The following BST2 variants were observed in gnomAD, a reference collection of about 807,000 sequenced individuals.
BST2 encodes the protein bone marrow stromal antigen 2.
In BST2, 10 loss-of-function variants were observed where a neutral mutation model predicts 18.6. The observed-to-expected ratio is 0.54, with a 90% CI of 0.33 to 0.91. The LOEUF is 0.91. Ranked by LOEUF, BST2 falls within the 40% of genes least tolerant of loss-of-function variation. BST2 has a pLI of 0.02. For missense variants in BST2, 183 were observed against 228.4 expected, an observed-to-expected ratio of 0.80 and a Z score of 1.28; for synonymous variants, 75 against 96.8, an observed-to-expected ratio of 0.77 and a Z score of 1.32.
Position 17,403,840 on chromosome 19 carries a change from C to T in BST2, c.414-16G>A, listed in dbSNP as rs745514506. On this transcript the variant is annotated splice_polypyrimidine_tract_variant and intron_variant, in intron 3 of 4. Transcript: ENST00000252593. ...GTTTTCTCTTCTGCGGTACAGATGGCAAATCAGGCATCTGCTCGTCCTGGC... is the reference window on the plus strand; with the variant it reads ...GTTTTCTCTTCTGCGGTACAGATGGTAAATCAGGCATCTGCTCGTCCTGGC... The T allele has an allele frequency of 1.6e-5, 13 of 803,012 alleles. No individual in the cohort carries two copies. In the South Asian group the frequency reaches 3.1e-4, roughly 19 times the overall value. The allele number at this position is 803,012 out of a possible 1,614,324, so 49.7% of individuals were successfully genotyped here. A position where few individuals can be genotyped will look rare whatever the true frequency, so the allele number is the denominator to read the frequency against.
At position 17,403,045 on chromosome 19, in the gene BST2, GC is replaced by G. The variant is rs2074705137; in HGVS notation, c.*296del. Reference sequence around the variant, plus strand: ...AAACCCATAACAACAGGCAGCACATGCCCCCCACACCGCACCCCATGCCCAA... The same window carrying G: ...AAACCCATAACAACAGGCAGCACATGCCCCCACACCGCACCCCATGCCCAA... On this transcript the variant is annotated 3_prime_UTR_variant, in exon 5 of 5. Coordinates refer to ENST00000252593, the MANE Select transcript of BST2 (RefSeq NM_004335.4). 2.0e-6 allele frequency: 2 copies of G among 984,458 alleles called. No homozygotes were observed. Among genetic ancestry groups the G allele is most frequent in the African/African-American group, 1.8e-5 (1 of 56,944 alleles). 61.0% of individuals were successfully genotyped at this position (984,458 alleles called of 1,614,324 possible).
rs971425861 is a variant in BST2, at chr19:17,403,239, C to T, written c.*103G>A. ...GCTACCCCGTGCTCTCCCCGCTAAC[C>T]GTGTTGCCCCATGACCCGCTCAGAA... On this transcript the variant is annotated 3_prime_UTR_variant, in exon 5 of 5. Transcript: ENST00000252593. 1 of 999,060 alleles carries T rather than the reference C, an allele frequency of 1.0e-6. No homozygotes were observed. Among genetic ancestry groups the T allele is most frequent in the Non-Finnish European group, 1.2e-6 (1 of 837,912 alleles). The allele number at this position is 999,060 out of a possible 1,614,324, so 61.9% of individuals were successfully genotyped here.
chr19:17,404,292 G>T, intron 2 of BST2, 79 bp downstream of exon 2: 1 of 1,520,856 alleles, frequency 6.6e-7, no homozygotes, highest in Non-Finnish European at 9.1e-7. Context: ...CCAACCTCCA[G>T]CCCTGGTCTC....
In BST2 at chr19:17,403,831, T is replaced by C. The variant is rs746481009; in HGVS notation, c.414-7A>G. On this transcript the variant is annotated splice_polypyrimidine_tract_variant and splice_region_variant and intron_variant, in intron 3 of 4. Transcript: ENST00000252593. ...TAAGACCTGGTTTTCTCTTCTGCGG[T>C]ACAGATGGCAAATCAGGCATCTGCT... The C allele has an allele frequency of 1.4e-6, 2 of 1,473,740 alleles. No individual in the cohort carries two copies. The allele number at this position is 1,473,740 out of a possible 1,614,324, so 91.3% of individuals were successfully genotyped here.
chr19:17,403,950 A>G, intron 3 of BST2, 126 bp from the exon 4 acceptor site: 1 of 1,390,872 alleles, frequency 7.2e-7, no homozygotes, highest in Non-Finnish European at 9.8e-7. Flanking sequence ...GGGAATGGAC[A>G]GCGGCCACCC....
In BST2 at chr19:17,403,334, ACCAG is replaced by A; in HGVS notation, c.*16-12_*16-9del. 8.9e-7 allele frequency: 1 copy of A among 1,121,224 alleles called. No individual in the cohort carries two copies. Among genetic ancestry groups the A allele is most frequent in the Non-Finnish European group, 1.1e-6 (1 of 909,392 alleles). 69.5% of individuals were successfully genotyped at this position (1,121,224 alleles called of 1,614,324 possible). ...GGACCTTCCAAGATGTGCCTAAAGGACCAGAAGAGGGACTCAGGGCAGACTGGAG... is the reference window on the plus strand; with the variant it reads ...GGACCTTCCAAGATGTGCCTAAAGGAAAGAGGGACTCAGGGCAGACTGGAG... On this transcript the variant is annotated splice_polypyrimidine_tract_variant and intron_variant, in intron 4 of 4. Transcript: ENST00000252593.
At chr19:17,403,871 C>A in intron 3 of BST2, 47 bp from the exon 4 acceptor site, 1 of 1,589,738 alleles carries the variant, frequency 6.3e-7, no homozygotes, top group Non-Finnish European at 8.6e-7. Context: ...CTGGCTCCTG[C>A]CGCCCTCCCT....
chr19:17,404,074 T>C (rs955368522), intron 3 of BST2, 55 bp downstream of exon 3: 2 of 1,518,388 alleles, frequency 1.3e-6, no homozygotes, highest in African/African-American at 1.4e-5. Flanking sequence ...GCTAGGGATG[T>C]GGGGGTGAGA....
Position 17,404,530 on chromosome 19 carries a change from G to A in BST2, c.286-93C>T, listed in dbSNP as rs2278234. On this transcript the variant is annotated intron_variant, in intron 1 of 4. Transcript: ENST00000252593. ...CCTCCCTAGGTCCTGGGGACAGAGG[G>A]GCTTAAATGCAAACCCCTTTCAGGT... is the stretch of plus-strand genomic sequence containing the variant. 6.3e-5 allele frequency: 99 copies of A among 1,577,986 alleles called. No homozygotes were observed. In the African/African-American group the frequency reaches 9.5e-4, roughly 15 times the overall value.
intron 1 of BST2, 143 bp from the exon 2 acceptor site, chr19:17,404,580 T>C (rs1187363407): frequency 6.3e-6 from 8 of 1,269,138 alleles, no homozygotes; most frequent in Non-Finnish European, 8.8e-6. Flanking sequence ...CTCTGCACCA[T>C]GGTCTCCAAC....
intron 1 of BST2, 36 bp from the exon 2 acceptor site, chr19:17,404,473 G>A: frequency 3.7e-6 from 6 of 1,613,934 alleles, no homozygotes; most frequent in Non-Finnish European, 5.1e-6. Flanking sequence ...TTGGCCTGGG[G>A]AGTTTGGCTG....
chr19:17,403,426 C>T, intron 4 of BST2, 100 bp from the exon 5 acceptor site: 2 of 899,392 alleles, frequency 2.2e-6, no homozygotes, highest in Non-Finnish European at 2.7e-6. Flanking sequence ...CTAGACCCGC[C>T]CCACCCATCC....
Position 17,403,061 on chromosome 19 carries a change from C to T in BST2, c.*281G>A, listed in dbSNP as rs2074705324. 1.0e-6 allele frequency: 1 copy of T among 984,934 alleles called. No individual in the cohort carries two copies. The highest frequency in any genetic ancestry group is 1.2e-6 in the Non-Finnish European group (1 of 829,968). The allele number at this position is 984,934 out of a possible 1,614,324, so 61.0% of individuals were successfully genotyped here. A position where few individuals can be genotyped will look rare whatever the true frequency, so the allele number is the denominator to read the frequency against. On this transcript the variant is annotated 3_prime_UTR_variant, in exon 5 of 5. Coordinates refer to ENST00000252593, the MANE Select transcript of BST2 (RefSeq NM_004335.4). ...GCAGCACATGCCCCCCACACCGCAC[C>T]CCATGCCCAATCTCAGGGTGGGAGA...
chr19:17,403,876 C>A, intron 3 of BST2, 52 bp from the exon 4 acceptor site: 1 of 1,586,044 alleles, frequency 6.3e-7, no homozygotes, highest in Non-Finnish European at 8.6e-7. Context: ...TCCTGCCGCC[C>A]TCCCTGTAAG....
intron 3 of BST2, 101 bp from the exon 4 acceptor site, chr19:17,403,925 C>T (rs1343599957): frequency 3.4e-6 from 5 of 1,481,406 alleles, no homozygotes; most frequent in Non-Finnish European, 4.5e-6. Context: ...CCGCCCCAAT[C>T]CAAGTCACCG....
Position 17,403,759 on chromosome 19 carries a change from G to C in BST2, c.479C>G (p.Ser160Cys). The change falls in exon 4 of 5, where the codon TCC becomes TGC. Residue 160 changes from serine (S) to cysteine (C), a missense_variant. Transcript: ENST00000252593. ...DKKYYPSSQDSSSAAAPQLLI... is the reference protein window; with the variant it reads ...DKKYYPSSQDCSSAAAPQLLI... ...CAGCTGGGGCGCCGCAGCGGAGCTG[G>C]AGTCCTGGGAGCTGGGGTAGTACTT... The C allele has an allele frequency of 1.2e-6, 2 of 1,614,002 alleles. No homozygotes were observed. The highest frequency in any genetic ancestry group is 1.7e-6 in the Non-Finnish European group (2 of 1,180,010).
chr19:17,404,270 C>T lies in BST2; in HGVS notation c.353-81G>A. The T allele has an allele frequency of 9.6e-6, 15 of 1,555,932 alleles. No homozygotes were observed. The South Asian group carries it at 1.5e-4, about 15-fold the overall frequency. On this transcript the variant is annotated intron_variant, in intron 2 of 4. Transcript: ENST00000252593. ...GCCCTGCTCCACTCTGGGACAGAAC[C>T]TCCCCCTTACCCCAACCTCCAGCCC...
At chr19:17,403,637 C>G (rs1844923015) in intron 4 of BST2, 43 bp downstream of exon 4, 2 of 1,592,332 alleles carry the variant, frequency 1.3e-6, no homozygotes, top group Non-Finnish European at 1.7e-6. Context: ...CCCCGCTTCC[C>G]CAGCTTTCTT....
At chr19:17,403,634 T>C in intron 4 of BST2, 46 bp downstream of exon 4, 1 of 1,570,360 alleles carries the variant, frequency 6.4e-7, no homozygotes, top group African/African-American at 1.4e-5. Context: ...CCGCCCCGCT[T>C]CCCCAGCTTT....
Sources: allele counts gnomAD v4.1 joint callset, GRCh38; gene constraint gnomAD v4.1.1; transcripts MANE v1.5; gene names NCBI Gene and HGNC (gene_info 2026-07-23, HGNC 2026-07-21).